Variants in ZNF536 observed in about 807,000 individuals in gnomAD.
ZNF536 encodes zinc finger protein 536.
ZNF536 carries 13 observed loss-of-function variants against 84.5 expected under a neutral mutation model. The ratio of observed to expected loss-of-function variants is 0.15; its 90% CI spans 0.10 to 0.24. ZNF536 has a LOEUF of 0.24. ZNF536 is among the 10% of genes least tolerant of loss of function. The probability of loss-of-function intolerance (pLI) is 1.00; values close to 1 mark genes in which losing one functional copy is unlikely to be tolerated. For synonymous variants in ZNF536, 811 were observed against 742.5 expected, an observed-to-expected ratio of 1.09 and a Z score of -1.50; for missense variants, 1,536 against 1,747.5, an observed-to-expected ratio of 0.88 and a Z score of 2.16.
chr19:30,668,387 C>G (rs1003610173), intron 1 of ZNF536, among the ~76,000 whole-genome samples: 1 of 152,118 alleles, frequency 6.6e-6, no homozygotes, highest in Admixed American at 6.5e-5. Flanking sequence ...CACTGCTAAC[C>G]CTGTCCCAGG....
chr19:30,293,681 A>G (rs567613686), intron 2 of ZNF536, among the ~76,000 whole-genome samples: 1 of 152,314 alleles, frequency 6.6e-6, no homozygotes, highest in East Asian at 1.9e-4. Context: ...CATTTTGCAC[A>G]AAGGAAAGTA....
chr19:30,248,325 G>C (rs888381842), intron 1 of ZNF536, among the ~76,000 whole-genome samples: 3 of 148,618 alleles, frequency 2.0e-5, no homozygotes, highest in Non-Finnish European at 4.4e-5. Flanking sequence ...GGGCTCCTGG[G>C]TCCAAGTGAT....
chr19:30,289,555 C>T (rs2045763001), intron 2 of ZNF536, among the ~76,000 whole-genome samples: 1 of 152,216 alleles, frequency 6.6e-6, no homozygotes, highest in Non-Finnish European at 1.5e-5. Context: ...TGGATGGCCA[C>T]ACATGGGATG....
intron 1 of ZNF536, among the ~76,000 whole-genome samples, chr19:30,693,540 G>T (rs571773092): frequency 6.6e-6 from 1 of 151,964 alleles, no homozygotes; most frequent in Non-Finnish European, 1.5e-5. Context: ...TTTTATAGTG[G>T]GGGGAGAGAA....
intron 1 of ZNF536, among the ~76,000 whole-genome samples, chr19:30,406,843 T>C (rs537177264): frequency 1.2e-3 from 180 of 152,288 alleles, no homozygotes; most frequent in African/African-American, 4.1e-3. Context: ...TGTCAGTTTC[T>C]CATGGTGATA....
intron 2 of ZNF536, among the ~76,000 whole-genome samples, chr19:30,308,156 A>G (rs979842515): frequency 6.6e-6 from 1 of 152,204 alleles, no homozygotes; most frequent in Admixed American, 6.5e-5. Context: ...GGAGGTGAGC[A>G]TTAGAACCAA....
chr19:30,262,121 C>A (rs2025257570), intron 1 of ZNF536, among the ~76,000 whole-genome samples: 1 of 152,202 alleles, frequency 6.6e-6, no homozygotes, highest in Non-Finnish European at 1.5e-5. Context: ...GATGGTGGTG[C>A]TTCATCAAAG....
intron 1 of ZNF536, among the ~76,000 whole-genome samples, chr19:30,581,165 T>A (rs947742108): frequency 1.1e-4 from 16 of 152,264 alleles, no homozygotes; most frequent in African/African-American, 3.9e-4. Flanking sequence ...CTACTTCTCC[T>A]GCCTCTAAAT....
At chr19:30,649,911 A>T (rs1384597085) in intron 1 of ZNF536, among the ~76,000 whole-genome samples, 3 of 43,068 alleles carry the variant, frequency 7.0e-5, no homozygotes, top group Non-Finnish European at 1.3e-4. Context: ...AATCTTAACT[A>T]AAAAAAAAAA....
chr19:30,588,255 G>A (rs927457701), intron 1 of ZNF536, among the ~76,000 whole-genome samples: 14 of 152,244 alleles, frequency 9.2e-5, no homozygotes, highest in African/African-American at 3.4e-4. Flanking sequence ...TAACTGTTGA[G>A]CATCACCACG....
At chr19:30,696,568 G>A (rs1273167935) in intron 1 of ZNF536, among the ~76,000 whole-genome samples, 1 of 152,232 alleles carries the variant, frequency 6.6e-6, no homozygotes, top group East Asian at 1.9e-4. Flanking sequence ...GGGCAGGCCG[G>A]CTTGCCTGAC....
chr19:30,705,354 GAT>G (rs2052181427), intron 1 of ZNF536, among the ~76,000 whole-genome samples: 1 of 150,846 alleles, frequency 6.6e-6, no homozygotes, highest in African/African-American at 2.5e-5. Context: ...CAATATTATG[GAT>G]ATAGAATAAA....
intron 1 of ZNF536, among the ~76,000 whole-genome samples, chr19:30,398,544 C>T (rs1456289293): frequency 6.6e-6 from 1 of 152,130 alleles, no homozygotes; most frequent in East Asian, 1.9e-4. Context: ...CCCCTAGCCT[C>T]GCAATCCCGG....
At chr19:30,700,335 C>T (rs951819086) in intron 1 of ZNF536, among the ~76,000 whole-genome samples, 2 of 140,316 alleles carry the variant, frequency 1.4e-5, no homozygotes, top group Non-Finnish European at 3.1e-5. Flanking sequence ...CCTCCTTCCT[C>T]CCTCCCTCCC....
chr19:30,249,140 C>T (rs1191762770), intron 1 of ZNF536, among the ~76,000 whole-genome samples: 4 of 152,164 alleles, frequency 2.6e-5, no homozygotes, highest in Admixed American at 2.0e-4. Context: ...TGGGGAGACC[C>T]TTTCTTGAGT....
intron 1 of ZNF536, among the ~76,000 whole-genome samples, chr19:30,676,789 G>A (rs1391880607): frequency 6.6e-6 from 1 of 152,110 alleles, no homozygotes; most frequent in Non-Finnish European, 1.5e-5. Context: ...ATCTTTTGAG[G>A]AACTTCTTGC....
chr19:30,695,061 G>A (rs2051599686), intron 1 of ZNF536, among the ~76,000 whole-genome samples: 1 of 152,000 alleles, frequency 6.6e-6, no homozygotes, highest in Non-Finnish European at 1.5e-5. Flanking sequence ...ATTAATAGCT[G>A]AGATTGGGGT....
At chr19:30,293,568 C>T (rs974556489) in intron 2 of ZNF536, among the ~76,000 whole-genome samples, 3 of 152,158 alleles carry the variant, frequency 2.0e-5, no homozygotes, top group African/African-American at 7.2e-5. Flanking sequence ...ATAGGCTTCA[C>T]GCGGCTGCAG....
chr19:30,254,190 G>A (rs1188636782), intron 1 of ZNF536, among the ~76,000 whole-genome samples: 1 of 152,176 alleles, frequency 6.6e-6, no homozygotes, highest in Admixed American at 6.5e-5. Flanking sequence ...TATGCTCCAT[G>A]TCAGAATGCC....
Sources: gnomAD v4.1 joint callset for allele counts (sites outside exome capture counted in the v4.1 genomes callset) on GRCh38, gnomAD v4.1.1 for gene constraint, MANE v1.5 for transcripts, NCBI Gene and HGNC (gene_info 2026-07-23, HGNC 2026-07-21) for gene names.